Variants in KCTD1 observed in about 807,000 individuals in gnomAD.
KCTD1 encodes BTB/POZ domain-containing protein KCTD1.
Under a neutral mutation model 66.0 loss-of-function variants are expected in KCTD1, and 24 were observed. That is an observed-to-expected ratio of 0.36 (90% CI 0.26 to 0.51). The LOEUF (loss-of-function observed/expected upper bound fraction) is 0.51, where lower values mean the gene tolerates loss of function less well. Ranked by LOEUF, KCTD1 falls within the 20% of genes least tolerant of loss-of-function variation. KCTD1 has a pLI of 0.95. For synonymous variants in KCTD1, 511 were observed against 517.2 expected, an observed-to-expected ratio of 0.99 and a Z score of 0.16; for missense variants, 943 against 1,205.2, an observed-to-expected ratio of 0.78 and a Z score of 3.22.
At chr18:26,577,801 A>G (rs910227619) in intron 1 of KCTD1, among the ~76,000 whole-genome samples, 4 of 152,012 alleles carry the variant, frequency 2.6e-5, no homozygotes, top group Admixed American at 6.6e-5. Flanking sequence ...CTTGAACACC[A>G]GACCTCAAGT....
At chr18:26,539,290 C>T (rs924161167) in intron 1 of KCTD1, among the ~76,000 whole-genome samples, 40 of 152,216 alleles carry the variant, frequency 2.6e-4, no homozygotes, top group Non-Finnish European at 2.9e-5. Flanking sequence ...AACCATAATT[C>T]CTGGAAGGGC....
rs1189768351 is a variant in KCTD1, at chr18:26,600,497, G to GT, written c.-16+28649_-16+28650insA. Reference sequence around the variant, plus strand: ...AGACAGAGTGAAGCTGGCTGGGGGGGGTGCAGTGGTGTGTAGTGCTGCTGT... The same window carrying GT: ...AGACAGAGTGAAGCTGGCTGGGGGGGTGTGCAGTGGTGTGTAGTGCTGCTGT... On this transcript the variant is annotated intron_variant, in intron 1 of 4. Coordinates refer to the KCTD1 transcript ENST00000317932. 2.0e-5 allele frequency among the ~76,000 whole-genome samples: 3 copies of GT among 152,088 alleles called. No individual in the cohort carries two copies. The East Asian group carries it at 5.8e-4, about 29-fold the overall frequency.
chr18:26,460,486 A>G (rs1299738928), intron 3 of KCTD1, among the ~76,000 whole-genome samples: 1 of 152,130 alleles, frequency 6.6e-6, no homozygotes, highest in Non-Finnish European at 1.5e-5. Context: ...ACAGGCAGGG[A>G]TGGGCACCTG....
At chr18:26,524,836 T>G (rs1347166886) in intron 1 of KCTD1, among the ~76,000 whole-genome samples, 2 of 152,106 alleles carry the variant, frequency 1.3e-5, no homozygotes, top group African/African-American at 4.8e-5. Flanking sequence ...TTTTAAGACA[T>G]TTTTTAATTT....
chr18:26,621,527 G>A (rs545549074), intron 1 of KCTD1, among the ~76,000 whole-genome samples: 1 of 152,180 alleles, frequency 6.6e-6, no homozygotes, highest in East Asian at 1.9e-4. Context: ...GGCGACACTG[G>A]GGGAGAGGAG....
intron 1 of KCTD1, among the ~76,000 whole-genome samples, chr18:26,568,091 A>G (rs1046147280): frequency 6.6e-6 from 1 of 152,188 alleles, no homozygotes; most frequent in Non-Finnish European, 1.5e-5. Flanking sequence ...CTTCTACTTA[A>G]TGAAGCAAGA....
At chr18:26,623,783 C>G (rs1178868256) in intron 1 of KCTD1, among the ~76,000 whole-genome samples, 1 of 152,142 alleles carries the variant, frequency 6.6e-6, no homozygotes. Context: ...AGGTAACAGG[C>G]AGAGGCTGGA....
chr18:26,655,413 T>A (rs377724522), intron 1 of KCTD1, among the ~76,000 whole-genome samples: 7 of 150,576 alleles, frequency 4.6e-5, no homozygotes, highest in African/African-American at 1.7e-4. Flanking sequence ...TAAACTGTTA[T>A]GTCTCCCAGT....
At chr18:26,641,267 T>C (rs115899080), upstream of KCTD1, among the ~76,000 whole-genome samples, 5,732 of 152,266 alleles carry the variant, frequency 0.038, 146 homozygotes, top group African/African-American at 0.067. Context: ...GCAGAGCCTT[T>C]GCCTCCCTTG....
chr18:26,646,523 T>C (rs977018714), intron 1 of KCTD1, among the ~76,000 whole-genome samples: 1 of 152,234 alleles, frequency 6.6e-6, no homozygotes, highest in African/African-American at 2.4e-5. Context: ...CAGAATAATT[T>C]GGAGACGTTC....
chr18:26,477,576 T>C (rs959002040), intron 2 of KCTD1, among the ~76,000 whole-genome samples: 3 of 152,164 alleles, frequency 2.0e-5, no homozygotes, highest in Admixed American at 2.0e-4. Context: ...TTTGGAACAA[T>C]ATCATTTTGT....
intron 1 of KCTD1, among the ~76,000 whole-genome samples, chr18:26,522,317 G>A (rs1179887805): frequency 2.6e-5 from 4 of 152,194 alleles, no homozygotes; most frequent in Admixed American, 2.6e-4. Context: ...TGAGCTTCAA[G>A]GCAGAGATCG....
chr18:26,509,901 C>G (rs1463375267), intron 1 of KCTD1, among the ~76,000 whole-genome samples: 1 of 152,218 alleles, frequency 6.6e-6, no homozygotes, highest in Non-Finnish European at 1.5e-5. Flanking sequence ...GTATCCTCAT[C>G]TCTAAGACAG....
At chr18:26,588,207 C>T (rs1032941891) in intron 1 of KCTD1, among the ~76,000 whole-genome samples, 1 of 152,022 alleles carries the variant, frequency 6.6e-6, no homozygotes, top group African/African-American at 2.4e-5. Context: ...CTGGCTTGAA[C>T]CCATGAGCTC....
rs200980869 is a variant in KCTD1, at chr18:26,593,550, G to A, written c.-16+35597C>T. ...CAAGGAGAAGGAGGAGGAAGAAGAC[G>A]AGGAGGAGGAGGAGGAGGAAGACAA... On this transcript the variant is annotated intron_variant, in intron 1 of 4. Transcript: ENST00000317932. Among the ~76,000 whole-genome samples, 49 of 83,682 alleles carry A rather than the reference G, an allele frequency of 5.9e-4. 1 individual carries two copies. The highest frequency in any genetic ancestry group is 1.7e-3 in the Admixed American group (14 of 8,324). The allele number at this position is 83,682 out of a possible 152,430, so 54.9% of individuals were successfully genotyped here.
intron 1 of KCTD1, among the ~76,000 whole-genome samples, chr18:26,535,333 C>T (rs1308799352): frequency 4.6e-5 from 7 of 152,200 alleles, no homozygotes; most frequent in Non-Finnish European, 1.0e-4. Context: ...AAGTCTTCAA[C>T]TGCCAAACAG....
chr18:26,493,778 T>C (rs565938035), intron 2 of KCTD1, among the ~76,000 whole-genome samples: 1 of 152,230 alleles, frequency 6.6e-6, no homozygotes, highest in Non-Finnish European at 1.5e-5. Context: ...TGTTGTGCTA[T>C]CAAATACTAG....
chr18:26,480,250 C>T (rs966177096), intron 2 of KCTD1, among the ~76,000 whole-genome samples: 1 of 152,122 alleles, frequency 6.6e-6, no homozygotes, highest in Non-Finnish European at 1.5e-5. Flanking sequence ...CATCAACCAG[C>T]TTCAAAAGCT....
At chr18:26,553,041 A>G (rs1280346083), upstream of KCTD1, among the ~76,000 whole-genome samples, 1 of 145,990 alleles carries the variant, frequency 6.8e-6, no homozygotes, top group Non-Finnish European at 1.5e-5. Flanking sequence ...CCCAGGCTGG[A>G]GAGCAGTGGC....
Sources: allele counts gnomAD v4.1 joint callset (sites outside exome capture counted in the v4.1 genomes callset), GRCh38; gene constraint gnomAD v4.1.1; transcripts MANE v1.5; gene names NCBI Gene and HGNC (gene_info 2026-07-23, HGNC 2026-07-21).